ENOX1: variants seen among roughly 807,000 people sequenced by gnomAD.
ENOX1 encodes the protein ecto-NOX disulfide-thiol exchanger 1.
Under a neutral mutation model 82.5 loss-of-function variants are expected in ENOX1, and 42 were observed. That is an observed-to-expected ratio of 0.51 (90% confidence interval 0.40 to 0.66). The LOEUF is 0.66. Ranked by LOEUF, ENOX1 falls within the 30% of genes least tolerant of loss-of-function variation. ENOX1 has a pLI of 0.00. For missense variants in ENOX1, 608 were observed against 811.6 expected (o/e 0.75, Z 3.05); for synonymous variants, 271 against 282.2 (o/e 0.96, Z 0.40).
intron 2 of ENOX1, among the ~76,000 whole-genome samples, chr13:43,616,091 T>G (rs76776444): frequency 0.12 from 5,205 of 43,284 alleles, 495 homozygotes; most frequent in East Asian, 0.36. Flanking sequence ...ATTATATATA[T>G]ATATCTATAT....
chr13:43,650,158 T>G (rs925191950), intron 2 of ENOX1, among the ~76,000 whole-genome samples: 1 of 152,196 alleles, frequency 6.6e-6, no homozygotes, highest in African/African-American at 2.4e-5. Flanking sequence ...TCTTGAGCCT[T>G]GCTTTTTCAA....
intron 1 of ENOX1, among the ~76,000 whole-genome samples, chr13:43,781,498 C>T (rs768016912): frequency 6.6e-6 from 1 of 152,048 alleles, no homozygotes; most frequent in Non-Finnish European, 1.5e-5. Context: ...TTCTCCCAAT[C>T]AAATACTACT....
intron 1 of ENOX1, among the ~76,000 whole-genome samples, chr13:43,739,755 T>C (rs1338377089): frequency 6.6e-6 from 1 of 151,892 alleles, no homozygotes; most frequent in Non-Finnish European, 1.5e-5. Flanking sequence ...GGAAGCTGTG[T>C]GATATACGGT....
intron 3 of ENOX1, among the ~76,000 whole-genome samples, chr13:43,471,601 G>A (rs538529554): frequency 5.9e-5 from 9 of 152,210 alleles, no homozygotes; most frequent in Admixed American, 5.2e-4. Flanking sequence ...ACAGGGTCAG[G>A]AGATCGAGAC....
intron 5 of ENOX1, among the ~76,000 whole-genome samples, chr13:43,383,801 T>C (rs1182783455): frequency 6.6e-6 from 1 of 152,208 alleles, no homozygotes; most frequent in Non-Finnish European, 1.5e-5. Flanking sequence ...AGTATGTTGC[T>C]AGTAGAATGC....
chr13:43,526,864 C>T (rs762553584), intron 2 of ENOX1, among the ~76,000 whole-genome samples: 7 of 152,074 alleles, frequency 4.6e-5, no homozygotes, highest in Admixed American at 6.6e-5. Context: ...CATGGTCATA[C>T]GGGCTTGTTC....
At chr13:43,497,104 G>T (rs1292727424) in intron 2 of ENOX1, among the ~76,000 whole-genome samples, 3 of 151,964 alleles carry the variant, frequency 2.0e-5, no homozygotes, top group African/African-American at 7.2e-5. Context: ...CATTTATCTT[G>T]CATCCTGAAA....
intron 16 of ENOX1, among the ~76,000 whole-genome samples, chr13:43,221,857 A>AT (rs1440491110): frequency 6.6e-6 from 1 of 152,188 alleles, no homozygotes; most frequent in African/African-American, 2.4e-5. Context: ...CCCTGTTCTC[A>AT]TCAGTACAGG....
chr13:43,491,815 T>C (rs900663819), intron 2 of ENOX1, among the ~76,000 whole-genome samples: 1 of 152,098 alleles, frequency 6.6e-6, no homozygotes, highest in Non-Finnish European at 1.5e-5. Flanking sequence ...TCTTAAAATG[T>C]AACTCTAATT....
chr13:43,419,703 GGC>G (rs1433557555), intron 3 of ENOX1, among the ~76,000 whole-genome samples: 7 of 152,174 alleles, frequency 4.6e-5, no homozygotes, highest in African/African-American at 1.7e-4. Context: ...CAGGCACGGT[GGC>G]TCATGCCTGT....
intron 8 of ENOX1, among the ~76,000 whole-genome samples, chr13:43,353,366 A>G (rs1476576912): frequency 1.3e-5 from 2 of 152,254 alleles, no homozygotes; most frequent in African/African-American, 4.8e-5. Flanking sequence ...ATAAACAAGT[A>G]TGATATAAAA....
At chr13:43,574,108 G>A (rs550607674) in intron 2 of ENOX1, among the ~76,000 whole-genome samples, 1 of 152,088 alleles carries the variant, frequency 6.6e-6, no homozygotes, top group Non-Finnish European at 1.5e-5. Flanking sequence ...AAAGAATTTT[G>A]TTCATGAACT....
At chr13:43,536,883 AG>A (rs2078483792) in intron 2 of ENOX1, among the ~76,000 whole-genome samples, 1 of 152,222 alleles carries the variant, frequency 6.6e-6, no homozygotes, top group Non-Finnish European at 1.5e-5. Flanking sequence ...ATACATATGG[AG>A]GATATAAGGT....
intron 14 of ENOX1, among the ~76,000 whole-genome samples, chr13:43,255,924 C>T (rs2043721069): frequency 6.6e-6 from 1 of 152,028 alleles, no homozygotes; most frequent in African/African-American, 2.4e-5. Flanking sequence ...TACTATGAAG[C>T]CACAGTAACC....
chr13:43,380,957 C>T (rs1416133867), intron 5 of ENOX1, among the ~76,000 whole-genome samples: 1 of 151,742 alleles, frequency 6.6e-6, no homozygotes, highest in Admixed American at 6.6e-5. Context: ...CCACAATTAA[C>T]AGTCAGAAAT....
At chr13:43,366,477 C>T (rs1465196300) in intron 5 of ENOX1, among the ~76,000 whole-genome samples, 1 of 152,222 alleles carries the variant, frequency 6.6e-6, no homozygotes, top group Non-Finnish European at 1.5e-5. Context: ...GGGGTTTCAC[C>T]GTGTTAGCCA....
At chr13:43,291,642 C>T (rs900485288) in intron 12 of ENOX1, among the ~76,000 whole-genome samples, 2 of 152,148 alleles carry the variant, frequency 1.3e-5, no homozygotes, top group Non-Finnish European at 2.9e-5. Context: ...TCCCACTGCA[C>T]CACTTCCCCC....
At chr13:43,539,271 TTTAA>T (rs1204275959) in intron 2 of ENOX1, among the ~76,000 whole-genome samples, 1 of 152,216 alleles carries the variant, frequency 6.6e-6, no homozygotes, top group Non-Finnish European at 1.5e-5. Flanking sequence ...ATGAATGTTG[TTTAA>T]TTTTTAGTCT....
At chr13:43,400,271 T>C (rs1312667889) in intron 5 of ENOX1, among the ~76,000 whole-genome samples, 1 of 152,140 alleles carries the variant, frequency 6.6e-6, no homozygotes, top group Non-Finnish European at 1.5e-5. Context: ...CAACCTTCCA[T>C]TCCTCATCAG....
Sources: allele counts gnomAD v4.1 joint callset (sites outside exome capture counted in the v4.1 genomes callset), GRCh38; gene constraint gnomAD v4.1.1; transcripts MANE v1.5; gene names NCBI Gene and HGNC (gene_info 2026-07-23, HGNC 2026-07-21).